CEP295: variants seen among roughly 807,000 people sequenced by gnomAD.
CEP295 encodes the protein centrosomal protein 295, also known as centrosomal protein of 295 kDa.
A neutral mutation model predicts 291.6 loss-of-function variants in CEP295; 190 were observed. That is an observed-to-expected ratio of 0.65 (90% CI 0.58 to 0.73). The LOEUF is 0.73. Ranked by LOEUF, CEP295 falls within the 30% of genes least tolerant of loss-of-function variation. The pLI, the probability that CEP295 is intolerant of heterozygous loss-of-function variation, is 0.00. For synonymous variants in CEP295, 993 were observed against 1,038.8 expected, an observed-to-expected ratio of 0.96 and a Z score of 0.85; for missense variants, 2,863 against 2,949.4, an observed-to-expected ratio of 0.97 and a Z score of 0.68.
intron 5 of CEP295, among the ~76,000 whole-genome samples, chr11:93,671,773 G>T (rs144732678): frequency 0.017 from 2,584 of 152,164 alleles, 89 homozygotes; most frequent in African/African-American, 0.059. Flanking sequence ...CCAGGGAAAT[G>T]CACCATATAA....
At chr11:93,703,268 T>A (rs189756590) in intron 17 of CEP295, among the ~76,000 whole-genome samples, 2 of 152,096 alleles carry the variant, frequency 1.3e-5, no homozygotes, top group African/African-American at 4.8e-5. Context: ...CTGGTCTACA[T>A]TTTTTCAGAG....
Position 93,729,962 on chromosome 11 carries a change from G to A in CEP295, c.7660G>A (p.Gly2554Ser), listed in dbSNP as rs1284173816. 3.9e-6 allele frequency: 6 copies of A among 1,525,974 alleles called. No homozygotes were observed. The highest frequency in any genetic ancestry group is 3.5e-6 in the Non-Finnish European group (4 of 1,140,174). The allele number at this position is 1,525,974 out of a possible 1,614,324, so 94.5% of individuals were successfully genotyped here. ...TACACAGGCTCTAAGGCACCAAAGG[G>A]GTCTAAGGTAGGGTTAATTTTTTTT... The part of the protein sequence containing the change: ...KTTQALRHQR[G>S]LRLYNQLAEV... The change falls in exon 28 of 30, where the codon GGT becomes AGT. Residue 2554 changes from glycine to serine, a missense_variant. Gly to Ser is a moderately conservative substitution (Grantham distance 56). Around this residue, in one of 3 missense-constraint regions of CEP295, gnomAD observed 2,295 missense variants for 2,335.7 expected, o/e 0.98. Coordinates refer to ENST00000325212, the MANE Select transcript of CEP295 (RefSeq NM_033395.2).
Position 93,679,545 on chromosome 11 carries a change from T to C in CEP295, c.758T>C (p.Leu253Ser). 1.3e-6 allele frequency: 2 copies of C among 1,551,318 alleles called. No homozygotes were observed. The highest frequency in any genetic ancestry group is 4.9e-5 in the East Asian group (2 of 40,892). Reference sequence around the variant, plus strand: ...TTCCAAGCAATGAAGAAGATCCATTTGGCTCAAGTAAGACTTATATTCTAC... The same window carrying C: ...TTCCAAGCAATGAAGAAGATCCATTCGGCTCAAGTAAGACTTATATTCTAC... Reference protein sequence around the residue: ...RGFQAMKKIHLAQNQEKLMKE... With the variant: ...RGFQAMKKIHSAQNQEKLMKE... The change falls in exon 7 of 30, where the codon TTG becomes TCG. Residue 253 changes from leucine (L) to serine (S), a missense_variant. Leu to Ser is a moderately radical substitution (Grantham distance 145). Transcript: ENST00000325212.
At chr11:93,726,105 GTTTGTTTTTTTTGTT>G (rs1954113874) in intron 23 of CEP295, among the ~76,000 whole-genome samples, 1 of 151,582 alleles carries the variant, frequency 6.6e-6, no homozygotes, top group African/African-American at 2.4e-5. Flanking sequence ...TTATTTTTTT[GTTTGTTTTTTTTGTT>G]TTTGTTTTTG....
rs1951884752 is a variant in CEP295 at position 93,697,170 on chromosome 11, A to T, written c.2258A>T (p.Glu753Val). The T allele has an allele frequency of 1.3e-6, 2 of 1,551,788 alleles. No homozygotes were observed. The highest frequency in any genetic ancestry group is 1.7e-6 in the Non-Finnish European group (2 of 1,147,064). ...LISQDARKIS[E>V]TFGATTFQSL... ...TCACAGGATGCTAGAAAAATATCTG[A>T]AACATTTGGGGCAACAACTTTTCAA... Residue 753 changes from glutamate to valine, a missense_variant, in exon 15 of 30, where the codon GAA (glutamate) becomes GTA (valine). Physicochemically the swap from Glu to Val is moderately radical, Grantham distance 121. This residue lies in a region of CEP295 where 2,295 missense variants were observed against 2,335.7 expected (regional missense o/e 0.98). Transcript: ENST00000325212.
chr11:93,693,104 CG>C (rs199710063), intron 12 of CEP295, among the ~76,000 whole-genome samples: 139,082 of 151,448 alleles, frequency 0.92, 64,678 homozygotes, highest in East Asian at 1. Flanking sequence ...GGTGAAACCC[CG>C]TCTCTACTAA....
chr11:93,729,946 TCTAAGGC>T lies in CEP295; in HGVS notation c.7645_7651del (p.Leu2549ThrfsTer5). The T allele has an allele frequency of 6.5e-7, 1 of 1,545,312 alleles. No individual in the cohort carries two copies. The highest frequency in any genetic ancestry group is 8.7e-7 in the Non-Finnish European group (1 of 1,145,430). On this transcript the variant is annotated frameshift_variant, in exon 28 of 30. Coordinates refer to ENST00000325212, the MANE Select transcript of CEP295 (RefSeq NM_033395.2). LOFTEE classifies it high-confidence loss of function. ...CTGAAGACAGAAAGACTACACAGGC[TCTAAGGC>T]ACCAAAGGGGTCTAAGGTAGGGTTA...
At chr11:93,722,179 T>TA (rs1308700116) in intron 20 of CEP295, 129 bp downstream of exon 20, 1 of 651,370 alleles carries the variant, frequency 1.5e-6, no homozygotes, top group African/African-American at 1.8e-5. Context: ...ATCTCACAAG[T>TA]AAAGTATGGC....
chr11:93,688,070 T>C (rs1342900482), intron 10 of CEP295, among the ~76,000 whole-genome samples: 1 of 152,178 alleles, frequency 6.6e-6, no homozygotes, highest in Non-Finnish European at 1.5e-5. Flanking sequence ...TATATATTAA[T>C]TGCAAAGTAA....
At chr11:93,668,716 T>C in intron 3 of CEP295, 92 bp from the exon 4 acceptor site, 1 of 955,560 alleles carries the variant, frequency 1.0e-6, no homozygotes, top group Non-Finnish European at 1.6e-6. Flanking sequence ...AGAAAGAAGA[T>C]GACAAAATTG....
chr11:93,698,668 T>G lies in CEP295; in HGVS notation c.3756T>G (p.Pro1252=). ...RLLRVSQHML[P]LQDNLEEHQA... is the part of the protein sequence containing the mutation. ...TGAGAGTTTCACAACATATGCTACC[T>G]CTACAAGATAATTTGGAGGAACACC... The change falls in exon 15 of 30, where the codon CCT becomes CCG. Residue 1252 remains proline, a synonymous_variant. Transcript: ENST00000325212. 1 of 1,550,754 alleles carries G rather than the reference T, an allele frequency of 6.4e-7. No individual in the cohort carries two copies.
rs1168290775 is a variant in CEP295 at position 93,687,882 on chromosome 11, G to A, written c.1336+17G>A. On this transcript the variant is annotated intron_variant, in intron 10 of 29. Transcript: ENST00000325212. ...AGGAACAAGGTATTTCTCTCCAAGA[G>A]TCTCATTTTCTATAAACCCTTTTAA... is the stretch of plus-strand genomic sequence containing the variant. The A allele has an allele frequency of 8.5e-6, 13 of 1,521,130 alleles. No individual in the cohort carries two copies. The African/African-American group carries it at 9.7e-5, about 11-fold the overall frequency. The allele number at this position is 1,521,130 out of a possible 1,614,324, so 94.2% of individuals were successfully genotyped here.
chr11:93,708,960 G>T lies in CEP295; in HGVS notation c.5749+2063G>T, dbSNP rs529130337. Among the ~76,000 whole-genome samples the T allele has an allele frequency of 2.6e-5, 4 of 152,236 alleles. No homozygotes were observed. In the East Asian group the frequency reaches 7.7e-4, roughly 29 times the overall value. ...TTTGTATTTCTTCTGAGAAATGTCT[G>T]TTTGGATTTTTTGCCCATTTTTTAA... On this transcript the variant is annotated intron_variant, in intron 18 of 29. Transcript: ENST00000325212.
Position 93,697,341 on chromosome 11 carries a change from C to G in CEP295, c.2429C>G (p.Pro810Arg), listed in dbSNP as rs771256711. Reference sequence around the variant, plus strand: ...GTTGAGTCAGGAAAAATTCAAGAACCCTTTTCAGCCATGAGCAAAAGTACA... The same window carrying G: ...GTTGAGTCAGGAAAAATTCAAGAACGCTTTTCAGCCATGAGCAAAAGTACA... ...VKVESGKIQE[P>R]FSAMSKSTVS... Residue 810 changes from proline (P) to arginine (R), a missense_variant, in exon 15 of 30, where the codon CCC (proline) becomes CGC (arginine). Physicochemically the swap from Pro to Arg is moderately radical, Grantham distance 103. Transcript: ENST00000325212. The G allele has an allele frequency of 2.0e-5, 31 of 1,551,780 alleles. No individual in the cohort carries two copies. The African/African-American group carries it at 3.6e-4, about 18-fold the overall frequency.
intron 3 of CEP295, 40 bp downstream of exon 3, chr11:93,667,847 A>G (rs1195462249): frequency 1.5e-6 from 2 of 1,345,428 alleles, no homozygotes; most frequent in South Asian, 2.9e-5. Flanking sequence ...TGTGGCAGTA[A>G]TATTAGTAAA....
rs1248765238 is a variant in CEP295 at position 93,729,435 on chromosome 11, T to C, written c.7304T>C (p.Val2435Ala). ...AACATGCAACTTTCTTGCCATTAGG[T>C]GAGTGAGTTTCTGCCTCTTGTATCA... ...SENEAKCFFQ[V>A]SEFLPLVSAT... The change falls in exon 26 of 30, where the codon GTG becomes GCG. Residue 2435 changes from valine to alanine, a missense_variant and splice_region_variant. By Grantham distance (64) the Val-to-Ala change is moderately conservative. Coordinates refer to ENST00000325212, the MANE Select transcript of CEP295 (RefSeq NM_033395.2). The C allele has an allele frequency of 6.5e-7, 1 of 1,546,082 alleles. No individual in the cohort carries two copies.
intron 2 of CEP295, 82 bp downstream of exon 2, chr11:93,666,897 G>T (rs778639564): frequency 2.5e-6 from 2 of 805,020 alleles, no homozygotes; most frequent in Non-Finnish European, 3.9e-6. Context: ...TGTTCTAAAT[G>T]TTGTATTTAA....
intron 18 of CEP295, among the ~76,000 whole-genome samples, chr11:93,720,703 C>G (rs1231620527): frequency 3.3e-5 from 5 of 151,982 alleles, no homozygotes; most frequent in African/African-American, 1.2e-4. Flanking sequence ...AGCAAGCCAC[C>G]CTCCCACCTC....
rs1264220902 is a variant in CEP295, at chr11:93,679,402, T to G, written c.625-10T>G. 1.3e-6 allele frequency: 2 copies of G among 1,532,446 alleles called. No individual in the cohort carries two copies. The highest frequency in any genetic ancestry group is 2.5e-5 in the East Asian group (1 of 40,674). 94.9% of individuals were successfully genotyped at this position (1,532,446 alleles called of 1,614,324 possible). A position where few individuals can be genotyped will look rare whatever the true frequency, so the allele number is the denominator to read the frequency against. On this transcript the variant is annotated splice_polypyrimidine_tract_variant and intron_variant, in intron 6 of 29. Transcript: ENST00000325212. ...AAAAATTTTGCCTACAATTTTTGAT[T>G]GACTGCTAGCCAGATGCTCGTTTGG...
Sources: gnomAD v4.1 joint callset for allele counts (sites outside exome capture counted in the v4.1 genomes callset) on GRCh38, gnomAD v4.1.1 for gene constraint, gnomAD v4.1.1 regional missense constraint, MANE v1.5 for transcripts, NCBI Gene and HGNC (gene_info 2026-07-23, HGNC 2026-07-21) for gene names.